The following MYO9A variants were observed in gnomAD, a reference collection of about 807,000 sequenced individuals.
The protein encoded by MYO9A is unconventional myosin-IXa.
In MYO9A, 103 loss-of-function variants were observed where a neutral mutation model predicts 293.3. The observed-to-expected ratio is 0.35, with a 90% CI of 0.30 to 0.41. The LOEUF is 0.41. Ranked by LOEUF, MYO9A falls within the 10% of genes least tolerant of loss-of-function variation. MYO9A has a pLI of 1.00. For missense variants in MYO9A, 2,685 were observed against 3,033.0 expected (o/e 0.89, Z 2.69); for synonymous variants, 1,001 against 1,035.7 (o/e 0.97, Z 0.64).
intron 19 of MYO9A, among the ~76,000 whole-genome samples, chr15:71,910,182 A>ATATATATACGTGT (rs1567260909): frequency 1.4e-5 from 2 of 145,734 alleles, no homozygotes; most frequent in African/African-American, 5.0e-5. Context: ...ATATATATAT[A>ATATATATACGTGT]AAATCAGAAA....
In MYO9A at chr15:71,832,212, G is replaced by A. The variant is rs181967628; in HGVS notation, c.6838-1901C>T. Reference sequence around the variant, plus strand: ...CATTGCTTGAACTCGAGAGGCAGAGGTTGCAGTGAGCCAAGATTACGCCAC... The same window carrying A: ...CATTGCTTGAACTCGAGAGGCAGAGATTGCAGTGAGCCAAGATTACGCCAC... On this transcript the variant is annotated intron_variant, in intron 39 of 41. Transcript: ENST00000356056. 2.4e-4 allele frequency among the ~76,000 whole-genome samples: 36 copies of A among 152,274 alleles called. No individual in the cohort carries two copies. The East Asian group carries it at 3.3e-3, about 14-fold the overall frequency.
chr15:72,015,937 C>G (rs2077325172), intron 6 of MYO9A, among the ~76,000 whole-genome samples: 2 of 152,004 alleles, frequency 1.3e-5, no homozygotes, highest in African/African-American at 4.8e-5. Flanking sequence ...ATCCGCCCAC[C>G]TCAGCCTCCC....
At chr15:72,054,894 G>C (rs1318181705) in intron 1 of MYO9A, among the ~76,000 whole-genome samples, 1 of 136,576 alleles carries the variant, frequency 7.3e-6, no homozygotes, top group Non-Finnish European at 1.6e-5. Flanking sequence ...ATGTCTCTCA[G>C]AAAGGAAAAA....
At chr15:71,909,240 A>G (rs1486061852) in intron 19 of MYO9A, among the ~76,000 whole-genome samples, 1 of 152,232 alleles carries the variant, frequency 6.6e-6, no homozygotes, top group Admixed American at 6.5e-5. Context: ...TTGTGTGGAC[A>G]TAAGTTTTCA....
intron 12 of MYO9A, chr15:71,972,415 G>C (rs1596306180): frequency 6.6e-6 from 1 of 152,346 alleles, no homozygotes; most frequent in East Asian, 1.9e-4. Flanking sequence ...TTGAACTCAA[G>C]GAGAAGCTGG....
intron 3 of MYO9A, among the ~76,000 whole-genome samples, chr15:72,032,091 T>C (rs2077889734): frequency 6.6e-6 from 1 of 152,068 alleles, no homozygotes; most frequent in Non-Finnish European, 1.5e-5. Context: ...TATTTTTTAG[T>C]GGAGATGGGT....
intron 16 of MYO9A, among the ~76,000 whole-genome samples, chr15:71,936,391 A>G (rs1377340240): frequency 6.6e-6 from 1 of 152,138 alleles, no homozygotes; most frequent in Non-Finnish European, 1.5e-5. Context: ...CAACAGGAAT[A>G]AATTGTGGTC....
chr15:72,089,180 T>C (rs1167362932), intron 1 of MYO9A, among the ~76,000 whole-genome samples: 1 of 152,156 alleles, frequency 6.6e-6, no homozygotes, highest in Non-Finnish European at 1.5e-5. Context: ...GTTTTTGTTT[T>C]GAGACAGGGT....
intron 15 of MYO9A, among the ~76,000 whole-genome samples, chr15:71,946,082 T>C (rs2058910783): frequency 6.6e-6 from 1 of 152,218 alleles, no homozygotes; most frequent in Non-Finnish European, 1.5e-5. Context: ...ATTCTTCATG[T>C]ATTATCTTTA....
intron 15 of MYO9A, among the ~76,000 whole-genome samples, chr15:71,949,658 C>CTT (rs779348640): frequency 4.3e-5 from 6 of 140,008 alleles, no homozygotes; most frequent in Non-Finnish European, 3.1e-5. Context: ...TTGATTTCCA[C>CTT]TTTTTTTTTT....
At position 71,826,792 on chromosome 15, in the gene MYO9A, T is replaced by A. The variant is rs1376269269; in HGVS notation, c.7435A>T (p.Lys2479Ter). The A allele has an allele frequency of 1.9e-6, 3 of 1,614,062 alleles. No homozygotes were observed. In the African/African-American group the frequency reaches 4.0e-5, roughly 22 times the overall value. ...LGMEGPLGQT[K>*]FLEDKPQFIS... ...AACTGAGGCTTGTCTTCCAGGAATT[T>A]GGTCTGGCCCAATGGTCCTTCCATT... Residue 2479 changes from lysine (K) to a stop codon, truncating the protein, a stop_gained, in exon 42 of 42, where the codon AAA (lysine) becomes TAA (stop). Transcript: ENST00000356056. LOFTEE classifies it high-confidence loss of function.
intron 34 of MYO9A, among the ~76,000 whole-genome samples, chr15:71,858,998 T>C (rs968076303): frequency 1.3e-5 from 2 of 152,174 alleles, no homozygotes; most frequent in Non-Finnish European, 2.9e-5. Context: ...CCAACAAACT[T>C]TTTTAGTATT....
Position 71,957,731 on chromosome 15 carries a change from C to A in MYO9A, c.2182+2170G>T, listed in dbSNP as rs2059237221. 2.0e-5 allele frequency among the ~76,000 whole-genome samples: 3 copies of A among 152,238 alleles called. 1 individual carries two copies. In the South Asian group the frequency reaches 6.2e-4, roughly 32 times the overall value. On this transcript the variant is annotated intron_variant, in intron 14 of 41. Transcript: ENST00000356056. ...ACAGGTTCTGTGGAAAACCTTGAAG[C>A]TCTCTCATCTGCAGACACTATATAA...
chr15:72,016,913 CA>C (rs1381558234), intron 6 of MYO9A, among the ~76,000 whole-genome samples: 1 of 146,916 alleles, frequency 6.8e-6, no homozygotes, highest in Non-Finnish European at 1.5e-5. Flanking sequence ...TTAAGACTCA[CA>C]AAACTTAAAG....
intron 1 of MYO9A, among the ~76,000 whole-genome samples, chr15:72,103,200 A>G (rs1360553880): frequency 6.7e-6 from 1 of 148,180 alleles, no homozygotes; most frequent in Non-Finnish European, 1.5e-5. Context: ...AGTCTCAAGA[A>G]AAAAAAAAAG....
At chr15:72,110,778 G>A in intron 1 of MYO9A, among the ~76,000 whole-genome samples, 1 of 152,152 alleles carries the variant, frequency 6.6e-6, no homozygotes, top group East Asian at 1.9e-4. Context: ...AAGACAACTA[G>A]TAGACAGACT....
chr15:71,870,338 G>A (rs2056468641), intron 32 of MYO9A, among the ~76,000 whole-genome samples: 4 of 152,084 alleles, frequency 2.6e-5, no homozygotes, highest in Admixed American at 2.6e-4. Flanking sequence ...ACAAAGAACT[G>A]AGCAAAGACA....
intron 6 of MYO9A, among the ~76,000 whole-genome samples, chr15:72,014,585 C>G (rs2077267728): frequency 2.0e-5 from 3 of 152,144 alleles, no homozygotes; most frequent in Non-Finnish European, 4.4e-5. Flanking sequence ...ACTCAGGAGG[C>G]TGAGGCAGAA....
Position 71,826,390 on chromosome 15 carries a change from C to T in MYO9A, c.*190G>A, listed in dbSNP as rs898192260. The stretch of plus-strand genomic sequence containing the variant: ...TACAACAGCCAAGGCACAGCTGGCA[C>T]CATCCCCAGCAGGCTTTCTGCTTCT... On this transcript the variant is annotated 3_prime_UTR_variant, in exon 42 of 42. Coordinates refer to ENST00000356056, the MANE Select transcript of MYO9A (RefSeq NM_006901.4). 2 of 576,874 alleles carry T rather than the reference C, an allele frequency of 3.5e-6. No homozygotes were observed. The highest frequency in any genetic ancestry group is 2.9e-6 in the Non-Finnish European group (1 of 341,510). 35.7% of individuals were successfully genotyped at this position (576,874 alleles called of 1,614,324 possible).
Sources: allele counts gnomAD v4.1 joint callset (sites outside exome capture counted in the v4.1 genomes callset), GRCh38; gene constraint gnomAD v4.1.1; transcripts MANE v1.5; gene names NCBI Gene and HGNC (gene_info 2026-07-23, HGNC 2026-07-21).